GAB2: variants seen among roughly 807,000 people sequenced by gnomAD.
GAB2 encodes GRB2 associated binding protein 2.
GAB2 carries 26 observed loss-of-function variants against 65.5 expected under a neutral mutation model. That is an observed-to-expected ratio of 0.40 (90% confidence interval 0.29 to 0.55). The LOEUF is 0.55. GAB2 is among the 20% of genes least tolerant of loss of function. GAB2 has a pLI of 0.53. For synonymous variants in GAB2, 321 were observed against 329.6 expected, an observed-to-expected ratio of 0.97 and a Z score of 0.28; for missense variants, 884 against 875.8, an observed-to-expected ratio of 1.01 and a Z score of -0.12.
Position 78,221,777 on chromosome 11 carries a change from T to C in GAB2, c.1661A>G (p.His554Arg), listed in dbSNP as rs1371650195. 1 of 1,609,160 alleles carries C rather than the reference T, an allele frequency of 6.2e-7. No individual in the cohort carries two copies. Among genetic ancestry groups the C allele is most frequent in the Non-Finnish European group, 8.5e-7 (1 of 1,175,726 alleles). ...CTGGGAGGAGCTGGAGTTGAAGGTG[T>C]GGCTGTTGTGGGAAGGAAGAGTTAA... ...PITKSWSRAN[H>R]TFNSSSSQYC... The change falls in exon 8 of 10, where the codon CAC becomes CGC. Residue 554 changes from histidine to arginine, a missense_variant and splice_region_variant. Transcript: ENST00000361507.
intron 2 of GAB2, among the ~76,000 whole-genome samples, chr11:78,260,466 C>G (rs73494612): frequency 0.026 from 3,886 of 150,100 alleles, 143 homozygotes; most frequent in African/African-American, 0.089. Flanking sequence ...TTAATCATGC[C>G]TTCTAAATCT....
At chr11:78,396,542 G>A (rs1277557128) in intron 1 of GAB2, among the ~76,000 whole-genome samples, 1 of 152,152 alleles carries the variant, frequency 6.6e-6, no homozygotes, top group East Asian at 1.9e-4. Context: ...ACACATGCTT[G>A]AGAAACTCTG....
chr11:78,366,846 A>G (rs1360711622), intron 1 of GAB2, among the ~76,000 whole-genome samples: 1 of 151,360 alleles, frequency 6.6e-6, no homozygotes, highest in Non-Finnish European at 1.5e-5. Context: ...TGCTTCTCAA[A>G]TGATCCTCCA....
chr11:78,293,699 CA>C (rs1397484557), intron 1 of GAB2, among the ~76,000 whole-genome samples: 3 of 152,242 alleles, frequency 2.0e-5, no homozygotes, highest in Non-Finnish European at 2.9e-5. Context: ...CATTAAGATT[CA>C]ACTCCAGGAC....
At chr11:78,376,093 A>G (rs1856628258) in intron 1 of GAB2, among the ~76,000 whole-genome samples, 1 of 152,252 alleles carries the variant, frequency 6.6e-6, no homozygotes, top group African/African-American at 2.4e-5. Context: ...TGTTAATCAT[A>G]TGTATACGAA....
intron 1 of GAB2, among the ~76,000 whole-genome samples, chr11:78,305,532 G>A (rs1289403060): frequency 6.6e-6 from 1 of 152,166 alleles, no homozygotes; most frequent in Non-Finnish European, 1.5e-5. Context: ...TTATAATCTG[G>A]TGTGGCCACT....
At chr11:78,357,672 A>C (rs957565365) in intron 1 of GAB2, among the ~76,000 whole-genome samples, 2 of 152,262 alleles carry the variant, frequency 1.3e-5, no homozygotes, top group African/African-American at 2.4e-5. Flanking sequence ...AAAGACATTT[A>C]TGCAGCCAAC....
At chr11:78,271,884 T>C (rs539103119) in intron 2 of GAB2, among the ~76,000 whole-genome samples, 22 of 152,312 alleles carry the variant, frequency 1.4e-4, no homozygotes, top group Middle Eastern at 6.8e-3. Context: ...TGGGAGGTAA[T>C]TGAATCATGG....
chr11:78,237,969 C>A (rs887265673), intron 3 of GAB2, among the ~76,000 whole-genome samples: 1 of 152,104 alleles, frequency 6.6e-6, no homozygotes, highest in Non-Finnish European at 1.5e-5. Flanking sequence ...TAAGTGGGAG[C>A]TGAACAATGA....
chr11:78,370,478 A>G (rs1856556263), intron 1 of GAB2, among the ~76,000 whole-genome samples: 1 of 152,046 alleles, frequency 6.6e-6, no homozygotes, highest in South Asian at 2.1e-4. Context: ...ATTGACTACT[A>G]TTGTGCCCAG....
Position 78,223,369 on chromosome 11 carries a change from T to C in GAB2, c.1567+43A>G, listed in dbSNP as rs779557644. On this transcript the variant is annotated intron_variant, in intron 6 of 9. Coordinates refer to ENST00000361507, the MANE Select transcript of GAB2 (RefSeq NM_080491.3). ...CCCCTAAGCAAATGGAAAGAGTCCC[T>C]AGCCACTGTCCAGAGATGGGACAGG... is the stretch of plus-strand genomic sequence containing the variant. The C allele has an allele frequency of 3.3e-5, 48 of 1,444,974 alleles. No homozygotes were observed. In the Middle Eastern group the frequency reaches 5.7e-4, roughly 17 times the overall value. The allele number at this position is 1,444,974 out of a possible 1,614,324, so 89.5% of individuals were successfully genotyped here. A position where few individuals can be genotyped will look rare whatever the true frequency, so the allele number is the denominator to read the frequency against.
At chr11:78,367,484 C>T (rs750944145) in intron 1 of GAB2, among the ~76,000 whole-genome samples, 45 of 152,278 alleles carry the variant, frequency 3.0e-4, no homozygotes, top group Non-Finnish European at 5.7e-4. Flanking sequence ...CCCAGTGTTC[C>T]CAGATCTGGA....
intron 1 of GAB2, among the ~76,000 whole-genome samples, chr11:78,385,697 A>T (rs1856757166): frequency 6.6e-6 from 1 of 152,150 alleles, no homozygotes; most frequent in Non-Finnish European, 1.5e-5. Flanking sequence ...GACACCAGAA[A>T]CTCCACAGAA....
intron 3 of GAB2, among the ~76,000 whole-genome samples, chr11:78,230,305 C>T (rs1410913315): frequency 1.3e-5 from 2 of 152,238 alleles, no homozygotes; most frequent in Non-Finnish European, 2.9e-5. Flanking sequence ...GCTCACAGAA[C>T]TACTCACTCA....
chr11:78,406,369 T>C (rs978996065), intron 1 of GAB2, among the ~76,000 whole-genome samples: 2 of 148,860 alleles, frequency 1.3e-5, no homozygotes, highest in South Asian at 4.4e-4. Flanking sequence ...AATACAAAAA[T>C]GTCCACGTTT....
intron 1 of GAB2, among the ~76,000 whole-genome samples, chr11:78,317,283 G>C (rs186945741): frequency 7.4e-4 from 112 of 152,238 alleles, no homozygotes; most frequent in Admixed American, 1.8e-3. Flanking sequence ...ATTACGATGG[G>C]CCGGGCACAG....
chr11:78,261,347 A>G (rs1865726221), intron 2 of GAB2, among the ~76,000 whole-genome samples: 1 of 152,158 alleles, frequency 6.6e-6, no homozygotes, highest in African/African-American at 2.4e-5. Flanking sequence ...CAATAAACAC[A>G]CTAGAGCAGC....
At position 78,417,735 on chromosome 11, in the gene GAB2, GC is replaced by G; in HGVS notation, c.-16del. Reference sequence around the variant, plus strand: ...CCGCCGCTCATGCTGCCGGCCTGGAGCCCCCCGCCGGGTCGCGCGGACGAGG... The same window carrying G: ...CCGCCGCTCATGCTGCCGGCCTGGAGCCCCCGCCGGGTCGCGCGGACGAGG... On this transcript the variant is annotated 5_prime_UTR_variant, in exon 1 of 10. Coordinates refer to ENST00000361507, the MANE Select transcript of GAB2 (RefSeq NM_080491.3). The G allele has an allele frequency of 6.4e-6, 8 of 1,256,874 alleles. No homozygotes were observed. Among genetic ancestry groups the G allele is most frequent in the African/African-American group, 1.6e-5 (1 of 62,524 alleles). 77.9% of individuals were successfully genotyped at this position (1,256,874 alleles called of 1,614,324 possible).
rs985672193 is a variant in GAB2 at position 78,280,463 on chromosome 11, C to T, written c.376+138G>A. On this transcript the variant is annotated intron_variant, in intron 2 of 9. Transcript: ENST00000361507. ...AGGTGTCCCTCTAATATTTGGCCAACCCCTTCACACTCTTTACCCTTTATC... is the reference window on the plus strand; with the variant it reads ...AGGTGTCCCTCTAATATTTGGCCAATCCCTTCACACTCTTTACCCTTTATC... 6 of 740,152 alleles carry T rather than the reference C, an allele frequency of 8.1e-6. No individual in the cohort carries two copies. In the African/African-American group the frequency reaches 8.8e-5, roughly 11 times the overall value. 45.8% of individuals were successfully genotyped at this position (740,152 alleles called of 1,614,324 possible). A position where few individuals can be genotyped will look rare whatever the true frequency, so the allele number is the denominator to read the frequency against.
Sources: allele counts gnomAD v4.1 joint callset (sites outside exome capture counted in the v4.1 genomes callset), GRCh38; gene constraint gnomAD v4.1.1; transcripts MANE v1.5; gene names NCBI Gene and HGNC (gene_info 2026-07-23, HGNC 2026-07-21).